The following KLHL4 variants were observed in gnomAD, a reference collection of about 807,000 sequenced individuals.
KLHL4 encodes kelch like family member 4.
A neutral mutation model predicts 45.8 loss-of-function variants in KLHL4; 17 were observed. That is an observed-to-expected ratio of 0.37 (90% CI 0.25 to 0.56). The LOEUF (loss-of-function observed/expected upper bound fraction) is 0.56. Among genes scored for constraint, KLHL4 ranks in the 20% least tolerant of loss-of-function variants. The pLI, the probability that KLHL4 is intolerant of heterozygous loss-of-function variation, is 0.79. For synonymous variants in KLHL4, 224 were observed against 189.9 expected (o/e 1.18, Z -1.47); for missense variants, 544 against 544.9 (o/e 1.00, Z 0.02).
Position 87,669,393 on chromosome X carries a change from A to C in KLHL4, c.*2859A>C. On this transcript the variant is annotated 3_prime_UTR_variant, in exon 11 of 11. Coordinates refer to ENST00000373119, the MANE Select transcript of KLHL4 (RefSeq NM_019117.5). ...AAGCTGAAAGAGACTCTGGGGCACT[A>C]AATTCAGATCCTTTCTCCACACAGC... 8.3e-7 allele frequency: 1 copy of C among 1,209,531 alleles called. No homozygotes were observed. The highest frequency in any genetic ancestry group is 2.2e-5 in the Admixed American group (1 of 45,830).
At chrX:87,519,761 A>T (rs1930965035) in intron 1 of KLHL4, among the ~76,000 whole-genome samples, 1 of 112,201 alleles carries the variant, frequency 8.9e-6, no homozygotes, top group Non-Finnish European at 1.9e-5. Flanking sequence ...AACAATTTTT[A>T]AAAAACTGCT....
chrX:87,614,686 A>G, intron 3 of KLHL4, 116 bp downstream of exon 3: 6 of 586,374 alleles, frequency 1.0e-5, no homozygotes, highest in East Asian at 3.7e-5. Flanking sequence ...CATAGTAGTA[A>G]TACTGCTACT....
chrX:87,664,772 C>T lies in KLHL4; in HGVS notation c.1934C>T (p.Pro645Leu). The change falls in exon 10 of 11, where the codon CCA (proline) becomes CTA (leucine). Residue 645 changes from proline (P) to leucine (L), a missense_variant. Pro to Leu is a moderately conservative substitution (Grantham distance 98). Transcript: ENST00000373119. Reference sequence around the variant, plus strand: ...TTTCTAAATCCTTTAAGGTATGATCCAAAAGGTGATTCATGGTCAACTGTG... The same window carrying T: ...TTTCTAAATCCTTTAAGGTATGATCTAAAAGGTGATTCATGGTCAACTGTG... ...RLSDCVERYD[P>L]KGDSWSTVAP... The T allele has an allele frequency of 8.4e-7, 1 of 1,197,087 alleles. No homozygotes were observed. The highest frequency in any genetic ancestry group is 1.8e-5 in the South Asian group (1 of 54,723).
intron 1 of KLHL4, among the ~76,000 whole-genome samples, chrX:87,589,957 A>C (rs1031652929): frequency 9.2e-6 from 1 of 109,138 alleles, no homozygotes; most frequent in Non-Finnish European, 1.9e-5. Flanking sequence ...AGAATCACTT[A>C]AACCCAGGAG....
At chrX:87,591,665 T>A (rs1023956590) in intron 1 of KLHL4, among the ~76,000 whole-genome samples, 1 of 111,887 alleles carries the variant, frequency 8.9e-6, no homozygotes, top group Non-Finnish European at 1.9e-5. Flanking sequence ...ATCCTATTTG[T>A]CTATTTTTGT....
chrX:87,654,139 A>C (rs992647261), intron 9 of KLHL4, among the ~76,000 whole-genome samples: 6 of 109,087 alleles, frequency 5.5e-5, no homozygotes, highest in Non-Finnish European at 1.1e-4. Context: ...AAATTAATAA[A>C]ATAAAATAAA....
chrX:87,587,667 C>A (rs1921525112), intron 1 of KLHL4, among the ~76,000 whole-genome samples: 1 of 111,033 alleles, frequency 9.0e-6, no homozygotes, highest in African/African-American at 3.3e-5. Context: ...ATATTAATAG[C>A]CATATACAAT....
At chrX:87,581,610 G>A (rs1602427548) in intron 1 of KLHL4, among the ~76,000 whole-genome samples, 2 of 112,425 alleles carry the variant, frequency 1.8e-5, no homozygotes, top group Middle Eastern at 9.2e-3. Flanking sequence ...CAGACCCACT[G>A]CGGACTGCAG....
At chrX:87,535,021 T>C (rs1931399479) in intron 1 of KLHL4, among the ~76,000 whole-genome samples, 1 of 112,100 alleles carries the variant, frequency 8.9e-6, no homozygotes, top group South Asian at 3.7e-4. Flanking sequence ...CTATATGAAG[T>C]ATTGTAGATA....
intron 4 of KLHL4, among the ~76,000 whole-genome samples, chrX:87,621,410 A>C (rs961991781): frequency 9.0e-6 from 1 of 110,812 alleles, no homozygotes; most frequent in Admixed American, 9.7e-5. Flanking sequence ...TAAAAAAATG[A>C]AACACAGATG....
intron 1 of KLHL4, among the ~76,000 whole-genome samples, chrX:87,555,873 T>C (rs1457593299): frequency 9.0e-6 from 1 of 110,725 alleles, no homozygotes; most frequent in Non-Finnish European, 1.9e-5. Context: ...TAAATTTCCC[T>C]TTACACACTG....
At chrX:87,543,196 A>G (rs1155874) in intron 1 of KLHL4, among the ~76,000 whole-genome samples, 26,678 of 110,489 alleles carry the variant, frequency 0.24, 2,765 homozygotes, top group East Asian at 0.51. Context: ...ATGAATGACC[A>G]AGTTTCAGAT....
chrX:87,580,258 A>C (rs1450776135), intron 1 of KLHL4, among the ~76,000 whole-genome samples: 1 of 110,132 alleles, frequency 9.1e-6, no homozygotes, highest in Admixed American at 9.8e-5. Context: ...GCATATCACT[A>C]CAAAAAAATT....
In KLHL4 at chrX:87,667,152, A is replaced by G; in HGVS notation, c.*618A>G. ...GATCGCGGTATGTCAAAATTTTTAC[A>G]GGTTTGCTCATCTGCCAGAGCACAC... On this transcript the variant is annotated 3_prime_UTR_variant, in exon 11 of 11. Transcript: ENST00000373119. The G allele has an allele frequency of 4.0e-6, 3 of 753,121 alleles. No homozygotes were observed. Among genetic ancestry groups the G allele is most frequent in the Non-Finnish European group, 4.7e-6 (3 of 638,308 alleles). The allele number at this position is 753,121 out of a possible 1,213,427, so 62.1% of individuals were successfully genotyped here. A position where few individuals can be genotyped will look rare whatever the true frequency, so the allele number is the denominator to read the frequency against.
chrX:87,665,332 T>C (rs2147845171), intron 10 of KLHL4, among the ~76,000 whole-genome samples: 1 of 112,133 alleles, frequency 8.9e-6, no homozygotes, highest in African/African-American at 3.2e-5. Flanking sequence ...CAGCATCTTC[T>C]TCCGCAAATA....
Position 87,668,989 on chromosome X carries a change from C to A in KLHL4, c.*2455C>A. ...AGATATGAGCCATCAGAATAGAGACCTGCAGAGGCCCAGGGCACTCAAACA... is the reference window on the plus strand; with the variant it reads ...AGATATGAGCCATCAGAATAGAGACATGCAGAGGCCCAGGGCACTCAAACA... On this transcript the variant is annotated 3_prime_UTR_variant, in exon 11 of 11. Transcript: ENST00000373119. 1.3e-6 allele frequency: 1 copy of A among 789,071 alleles called. No homozygotes were observed. The highest frequency in any genetic ancestry group is 6.0e-5 in the South Asian group (1 of 16,673). The allele number at this position is 789,071 out of a possible 1,213,427, so 65.0% of individuals were successfully genotyped here.
chrX:87,625,541 T>C (rs1332844719), intron 5 of KLHL4, 69 bp from the exon 6 acceptor site: 4 of 962,288 alleles, frequency 4.2e-6, no homozygotes, highest in Non-Finnish European at 5.7e-6. Context: ...TCTAAAGTTA[T>C]ATAAATACAA....
At chrX:87,663,688 T>G (rs1002480945) in intron 9 of KLHL4, among the ~76,000 whole-genome samples, 1 of 112,466 alleles carries the variant, frequency 8.9e-6, no homozygotes, top group Non-Finnish European at 1.9e-5. Flanking sequence ...AGCTATGAAT[T>G]TTCTGGCTCT....
rs748121631 is a variant in KLHL4, at chrX:87,600,262, G to A, written c.423-13615G>A. On this transcript the variant is annotated intron_variant, in intron 1 of 10. Coordinates refer to ENST00000373119, the MANE Select transcript of KLHL4 (RefSeq NM_019117.5). ...ACCACTTTGGGAGGCCGAGGTGGGCGGATCACGAGGTCAGATTGAGACCAT... is the reference window on the plus strand; with the variant it reads ...ACCACTTTGGGAGGCCGAGGTGGGCAGATCACGAGGTCAGATTGAGACCAT... Among the ~76,000 whole-genome samples the A allele has an allele frequency of 3.6e-3, 399 of 110,611 alleles. 2 individuals are homozygous for A. Among genetic ancestry groups the A allele is most frequent in the African/African-American group, 0.012 (373 of 30,382 alleles).
Sources: allele counts gnomAD v4.1 joint callset (sites outside exome capture counted in the v4.1 genomes callset), GRCh38; gene constraint gnomAD v4.1.1; transcripts MANE v1.5; gene names NCBI Gene and HGNC (gene_info 2026-07-23, HGNC 2026-07-21).